Variants in SFPQ observed in about 807,000 individuals in gnomAD.
SFPQ encodes splicing factor, proline- and glutamine-rich.
Under a neutral mutation model 72.9 loss-of-function variants are expected in SFPQ, and 11 were observed. That is an observed-to-expected ratio of 0.15 (90% CI 0.09 to 0.25). The LOEUF (loss-of-function observed/expected upper bound fraction) is 0.25, where lower values mean the gene tolerates loss of function less well. SFPQ is among the 10% of genes least tolerant of loss of function. The pLI is 1.00. For synonymous variants in SFPQ, 506 were observed against 367.3 expected (o/e 1.38, Z -4.32); for missense variants, 847 against 993.3 (o/e 0.85, Z 1.98).
intron 1 of SFPQ, 32 bp downstream of exon 1, chr1:35,192,190 G>A (rs1229239350): frequency 1.2e-5 from 17 of 1,372,368 alleles, no homozygotes; most frequent in Non-Finnish European, 1.6e-5. Flanking sequence ...CCATCTTAGG[G>A]GAGCCGACGC....
At position 35,191,267 on chromosome 1, in the gene SFPQ, C is replaced by A; in HGVS notation, c.1017+74G>T. The A allele has an allele frequency of 3.2e-6, 4 of 1,250,350 alleles. No homozygotes were observed. In the East Asian group the frequency reaches 7.0e-5, roughly 22 times the overall value. The allele number at this position is 1,250,350 out of a possible 1,614,324, so 77.5% of individuals were successfully genotyped here. On this transcript the variant is annotated intron_variant, in intron 2 of 9. Transcript: ENST00000357214. ...TATCCTCCCCAGTTTAAAAACCAAG[C>A]CTTCAGCGTTTGTAGTGACAAAAAA... is the stretch of plus-strand genomic sequence containing the variant.
intron 1 of SFPQ, among the ~76,000 whole-genome samples, chr1:35,191,870 T>C (rs902920714): frequency 2.6e-5 from 4 of 152,254 alleles, no homozygotes; most frequent in Non-Finnish European, 5.9e-5. Flanking sequence ...ACCTACACGA[T>C]CTGCGCCTGC....
downstream of SFPQ, chr1:35,178,975 C>T: frequency 4.7e-6 from 5 of 1,055,616 alleles, no homozygotes; most frequent in Non-Finnish European, 5.7e-6. Flanking sequence ...TTGAGATTTC[C>T]AGTTGAGTCT....
chr1:35,186,776 C>A (rs1268068868), intron 9 of SFPQ, among the ~76,000 whole-genome samples: 1 of 152,146 alleles, frequency 6.6e-6, no homozygotes, highest in Non-Finnish European at 1.5e-5. Flanking sequence ...ATACTAACAG[C>A]ATTGACTCCT....
chr1:35,190,461 G>A (rs777594779), intron 4 of SFPQ, 37 bp downstream of exon 4: 5 of 1,423,336 alleles, frequency 3.5e-6, no homozygotes, highest in East Asian at 2.3e-5. Flanking sequence ...CTTTACACTT[G>A]ATTTAAAAAC....
At position 35,183,723 on chromosome 1, in the gene SFPQ, T is replaced by G. The variant is rs1639578500; in HGVS notation, c.*733A>C. ...TGCAACAAAATGACCTTTCCACTTT[T>G]CAAAAGCTTTCAAGTAAAGGATAGA... On this transcript the variant is annotated 3_prime_UTR_variant, in exon 10 of 10. Transcript: ENST00000357214. 3 of 1,046,826 alleles carry G rather than the reference T, an allele frequency of 2.9e-6. No individual in the cohort carries two copies. In the South Asian group the frequency reaches 1.4e-4, roughly 48 times the overall value. 64.8% of individuals were successfully genotyped at this position (1,046,826 alleles called of 1,614,324 possible).
At chr1:35,186,817 A>G (rs946740802) in intron 9 of SFPQ, among the ~76,000 whole-genome samples, 184 bp downstream of exon 9, 5 of 152,196 alleles carry the variant, frequency 3.3e-5, no homozygotes, top group African/African-American at 1.2e-4. Context: ...TTAGGTTACC[A>G]CACACCGAGT....
chr1:35,185,515 A>C (rs1214948534), intron 9 of SFPQ, among the ~76,000 whole-genome samples: 4 of 152,208 alleles, frequency 2.6e-5, no homozygotes, highest in Non-Finnish European at 4.4e-5. Context: ...TGGAGATAGA[A>C]GTTTTCAATA....
chr1:35,177,722 T>C (rs142650216), intron 4 of SFPQ: 23 of 160,486 alleles, frequency 1.4e-4, no homozygotes, highest in Non-Finnish European at 2.9e-4. Context: ...ATATGGCCTA[T>C]TCCCCTTAAG....
At chr1:35,192,100 G>T in intron 1 of SFPQ, 122 bp downstream of exon 1, 1 of 808,060 alleles carries the variant, frequency 1.2e-6, no homozygotes, top group Non-Finnish European at 1.7e-6. Flanking sequence ...CGCCCCCGCA[G>T]CGGCGCGCGC....
In SFPQ at chr1:35,184,130, T is replaced by C; in HGVS notation, c.*326A>G. On this transcript the variant is annotated 3_prime_UTR_variant, in exon 10 of 10. Transcript: ENST00000357214. ...AGTTGAAGATCAATATTATAACTAT[T>C]TTTCTATTTATTTGAAGCACAGTAA... 1 of 1,140,020 alleles carries C rather than the reference T, an allele frequency of 8.8e-7. No individual in the cohort carries two copies. Among genetic ancestry groups the C allele is most frequent in the Non-Finnish European group, 1.1e-6 (1 of 928,508 alleles). 70.6% of individuals were successfully genotyped at this position (1,140,020 alleles called of 1,614,324 possible). A position where few individuals can be genotyped will look rare whatever the true frequency, so the allele number is the denominator to read the frequency against.
In SFPQ at chr1:35,191,506, G is replaced by A. The variant is rs183464864; in HGVS notation, c.852C>T (p.Leu284=). 3 of 1,612,938 alleles carry A rather than the reference G, an allele frequency of 1.9e-6. No individual in the cohort carries two copies. The highest frequency in any genetic ancestry group is 2.5e-6 in the Non-Finnish European group (3 of 1,179,774). The change falls in exon 2 of 10, where the codon CTC becomes CTT. Residue 284 remains leucine, a synonymous_variant. Transcript: ENST00000357214. ...AAGTTTTCTCTCCAGGCCTCCTCAAGAGAGACAAATTGGCTTTAAACCCCT... is the reference window on the plus strand; with the variant it reads ...AAGTTTTCTCTCCAGGCCTCCTCAAAAGAGACAAATTGGCTTTAAACCCCT... ...DSEGFKANLS[L]LRRPGEKTYT...
At chr1:35,180,223 TGCTA>T (rs1639411322), downstream of SFPQ, 1 of 1,051,856 alleles carries the variant, frequency 9.5e-7, no homozygotes. Context: ...CTCTCATGCA[TGCTA>T]GCTAAAACCA....
At chr1:35,185,913 GAGAACATAAGGTC>G (rs1395380863) in intron 9 of SFPQ, among the ~76,000 whole-genome samples, 1 of 152,110 alleles carries the variant, frequency 6.6e-6, no homozygotes, top group African/African-American at 2.4e-5. Flanking sequence ...CTTTAATTGT[GAGAACATAAGGTC>G]AAATTAGATT....
At chr1:35,182,580 G>GTC (rs1304053725), downstream of SFPQ, 1 of 985,194 alleles carries the variant, frequency 1.0e-6, no homozygotes, top group African/African-American at 1.7e-5. Flanking sequence ...CCAACAATAG[G>GTC]TCTCCTTTTG....
intron 9 of SFPQ, among the ~76,000 whole-genome samples, chr1:35,185,424 C>T (rs369322357): frequency 9.9e-5 from 15 of 152,150 alleles, no homozygotes; most frequent in African/African-American, 3.6e-4. Context: ...AGACACTTCC[C>T]GAACAGTGAA....
chr1:35,188,950 T>C (rs2101971), intron 6 of SFPQ, 53 bp downstream of exon 6: 135,524 of 1,417,240 alleles, frequency 0.096, 28,655 homozygotes, highest in East Asian at 0.69. Flanking sequence ...AACAGAATGA[T>C]ACGTTTCAAA....
Position 35,192,839 on chromosome 1 carries a change from G to T in SFPQ, c.211C>A (p.Gln71Lys). The change falls in exon 1 of 10, where the codon CAG becomes AAG. Residue 71 changes from glutamine to lysine, a missense_variant. Physicochemically the swap from Gln to Lys is moderately conservative, Grantham distance 53 (BLOSUM62 1). Coordinates refer to ENST00000357214, the MANE Select transcript of SFPQ (RefSeq NM_005066.3). ...PPPPPHQQQQ[Q>K]PPPQQPPPQQ... ...GGCGGTGGCTGCTGCGGTGGTGGCT[G>T]TTGCTGCTGTTGGTGTGGAGGCGGT... The T allele has an allele frequency of 6.6e-7, 1 of 1,525,582 alleles. No individual in the cohort carries two copies. Among genetic ancestry groups the T allele is most frequent in the Admixed American group, 2.0e-5 (1 of 50,426 alleles). 94.5% of individuals were successfully genotyped at this position (1,525,582 alleles called of 1,614,324 possible). A position where few individuals can be genotyped will look rare whatever the true frequency, so the allele number is the denominator to read the frequency against.
Position 35,192,856 on chromosome 1 carries a change from G to A in SFPQ, c.194C>T (p.Pro65Leu). 6.5e-7 allele frequency: 1 copy of A among 1,532,398 alleles called. No individual in the cohort carries two copies. Among genetic ancestry groups the A allele is most frequent in the Admixed American group, 1.9e-5 (1 of 51,500 alleles). The allele number at this position is 1,532,398 out of a possible 1,614,324, so 94.9% of individuals were successfully genotyped here. ...GPKPPIPPPP[P>L]HQQQQQPPPQ... ...TGGTGGCTGTTGCTGCTGTTGGTGT[G>A]GAGGCGGTGGCGGGATCGGAGGCTT... Residue 65 changes from proline to leucine, a missense_variant, in exon 1 of 10, where the codon CCA (proline) becomes CTA (leucine). This residue lies in a region of SFPQ where 498 missense variants were observed against 405.1 expected (regional missense o/e 1.23). Transcript: ENST00000357214.
Sources: gnomAD v4.1 joint callset for allele counts (sites outside exome capture counted in the v4.1 genomes callset) on GRCh38, gnomAD v4.1.1 for gene constraint, gnomAD v4.1.1 regional missense constraint, MANE v1.5 for transcripts, NCBI Gene and HGNC (gene_info 2026-07-23, HGNC 2026-07-21) for gene names.